Variants in MAGI2 observed in about 807,000 individuals in gnomAD.
MAGI2 encodes the protein membrane associated guanylate kinase, WW and PDZ domain containing 2.
MAGI2 carries 35 observed loss-of-function variants against 133.3 expected under a neutral mutation model. That is an observed-to-expected ratio of 0.26 (90% CI 0.20 to 0.35). The LOEUF (loss-of-function observed/expected upper bound fraction) is 0.35. Ranked by LOEUF, MAGI2 falls within the 10% of genes least tolerant of loss-of-function variation. The probability of loss-of-function intolerance (pLI) is 1.00; values close to 1 mark genes in which losing one functional copy is unlikely to be tolerated. For missense variants in MAGI2, 1,636 were observed against 1,863.4 expected (o/e 0.88, Z 2.25); for synonymous variants, 729 against 710.6 (o/e 1.03, Z -0.41).
chr7:79,215,363 A>G (rs894389111), intron 1 of MAGI2, among the ~76,000 whole-genome samples: 1 of 152,006 alleles, frequency 6.6e-6, no homozygotes, highest in Non-Finnish European at 1.5e-5. Flanking sequence ...TTCATAGAGA[A>G]TTCCCTTCAC....
chr7:78,892,424 C>G (rs954617603), intron 2 of MAGI2, among the ~76,000 whole-genome samples: 1 of 152,182 alleles, frequency 6.6e-6, no homozygotes, highest in African/African-American at 2.4e-5. Context: ...ATCACCAAGT[C>G]AATCCTAAGC....
At chr7:78,747,160 A>G (rs533782411) in intron 2 of MAGI2, among the ~76,000 whole-genome samples, 2 of 152,170 alleles carry the variant, frequency 1.3e-5, no homozygotes, top group Non-Finnish European at 2.9e-5. Context: ...GGCTTGTGCA[A>G]TTGGCAAGGT....
intron 1 of MAGI2, among the ~76,000 whole-genome samples, chr7:79,445,386 G>A (rs1056534021): frequency 1.3e-5 from 2 of 152,146 alleles, no homozygotes; most frequent in South Asian, 2.1e-4. Flanking sequence ...GCAACCTACA[G>A]AATGGGAGAA....
At chr7:78,717,450 A>AGC (rs1819829388) in intron 2 of MAGI2, among the ~76,000 whole-genome samples, 1 of 152,198 alleles carries the variant, frequency 6.6e-6, no homozygotes, top group Non-Finnish European at 1.5e-5. Flanking sequence ...GGACCTTACT[A>AGC]TGGTGAAAAT....
intron 2 of MAGI2, among the ~76,000 whole-genome samples, chr7:78,884,653 C>A (rs910587835): frequency 4.0e-5 from 6 of 151,782 alleles, no homozygotes; most frequent in African/African-American, 1.5e-4. Flanking sequence ...TGGATATTAT[C>A]AAAAAGACAA....
intron 1 of MAGI2, among the ~76,000 whole-genome samples, chr7:79,430,041 G>A (rs1847670268): frequency 6.6e-6 from 1 of 151,974 alleles, no homozygotes; most frequent in African/African-American, 2.4e-5. Flanking sequence ...TTAAGCTAAT[G>A]GATTCAAAAT....
chr7:79,063,640 C>G (rs1814002928), intron 1 of MAGI2, among the ~76,000 whole-genome samples: 1 of 152,058 alleles, frequency 6.6e-6, no homozygotes, highest in African/African-American at 2.4e-5. Flanking sequence ...TTAAGCTACT[C>G]TGTATTTTTC....
intron 9 of MAGI2, among the ~76,000 whole-genome samples, chr7:78,279,133 G>A (rs1445918622): frequency 6.6e-6 from 1 of 152,028 alleles, no homozygotes; most frequent in African/African-American, 2.4e-5. Flanking sequence ...TACTTACTTG[G>A]TACAGCACAA....
intron 10 of MAGI2, chr7:78,252,968 C>G (rs2150942869): frequency 6.9e-6 from 1 of 145,748 alleles, no homozygotes; most frequent in African/African-American, 2.6e-5. Context: ...AAACAATGGG[C>G]AGCTATTGGA....
At chr7:78,998,251 T>A (rs903978781) in intron 2 of MAGI2, among the ~76,000 whole-genome samples, 5 of 152,198 alleles carry the variant, frequency 3.3e-5, no homozygotes, top group Non-Finnish European at 7.3e-5. Context: ...TCAGTTTCCA[T>A]AAGCTGTTTA....
intron 7 of MAGI2, chr7:78,358,655 C>A: frequency 4.9e-6 from 1 of 202,362 alleles, no homozygotes; most frequent in South Asian, 7.9e-5. Flanking sequence ...ACGACTGAAG[C>A]CTACAAGAAA....
At position 79,236,971 on chromosome 7, in the gene MAGI2, G is replaced by A. The variant is rs2129554703; in HGVS notation, c.301+216049C>T. Among the ~76,000 whole-genome samples, 2 of 152,272 alleles carry A rather than the reference G, an allele frequency of 1.3e-5. 1 individual carries two copies. The highest frequency in any genetic ancestry group is 4.1e-4 in the South Asian group (2 of 4,822). ...GAGGTGGGAGGATTGCTTGAGCTCA[G>A]GAGCTTGAGGCTGCAATGAGCAACG... On this transcript the variant is annotated intron_variant, in intron 1 of 21. Transcript: ENST00000354212.
chr7:78,685,881 C>T lies in MAGI2; in HGVS notation c.419-58642G>A, dbSNP rs554900144. On this transcript the variant is annotated intron_variant, in intron 2 of 21. Coordinates refer to ENST00000354212, the MANE Select transcript of MAGI2 (RefSeq NM_012301.4). ...ACTGTGAGCACAGATGACACTCTAC[C>T]TCCAAAATATTAGTACTTACGTTCA... is the stretch of plus-strand genomic sequence containing the variant. Among the ~76,000 whole-genome samples, 22 of 152,128 alleles carry T rather than the reference C, an allele frequency of 1.4e-4. No individual in the cohort carries two copies. The East Asian group carries it at 4.3e-3, about 29-fold the overall frequency.
intron 16 of MAGI2, among the ~76,000 whole-genome samples, chr7:78,151,982 G>T (rs1321552110): frequency 2.0e-5 from 3 of 152,000 alleles, no homozygotes; most frequent in Non-Finnish European, 4.4e-5. Flanking sequence ...AATTGTGAAG[G>T]ATCCAAAGAA....
intron 3 of MAGI2, among the ~76,000 whole-genome samples, chr7:78,562,889 C>A (rs1800555267): frequency 6.6e-6 from 1 of 152,188 alleles, no homozygotes; most frequent in African/African-American, 2.4e-5. Context: ...TTTGCACCTT[C>A]CCATTTTAGC....
chr7:78,290,108 T>G (rs1796546725), intron 9 of MAGI2, among the ~76,000 whole-genome samples: 1 of 152,146 alleles, frequency 6.6e-6, no homozygotes, highest in Non-Finnish European at 1.5e-5. Flanking sequence ...ATAACAATAT[T>G]AACCTTAAAT....
chr7:78,699,047 T>C (rs1295823349), intron 2 of MAGI2, among the ~76,000 whole-genome samples: 7 of 152,210 alleles, frequency 4.6e-5, no homozygotes, highest in African/African-American at 1.7e-4. Flanking sequence ...CAATCACAGA[T>C]TGTCCACGTG....
chr7:78,169,716 G>A (rs1342217668), intron 14 of MAGI2, among the ~76,000 whole-genome samples: 1 of 152,204 alleles, frequency 6.6e-6, no homozygotes, highest in Non-Finnish European at 1.5e-5. Flanking sequence ...GGAATATTAA[G>A]TGTTCTGACA....
chr7:79,304,980 G>A (rs1444465378), intron 1 of MAGI2, among the ~76,000 whole-genome samples: 1 of 152,194 alleles, frequency 6.6e-6, no homozygotes, highest in Non-Finnish European at 1.5e-5. Flanking sequence ...GAAGTGATCT[G>A]TAACTCCACA....
Sources: gnomAD v4.1 joint callset for allele counts (sites outside exome capture counted in the v4.1 genomes callset) on GRCh38, gnomAD v4.1.1 for gene constraint, MANE v1.5 for transcripts, NCBI Gene and HGNC (gene_info 2026-07-23, HGNC 2026-07-21) for gene names.